The following PCCA variants were observed in gnomAD, a reference collection of about 807,000 sequenced individuals.
The protein encoded by PCCA is propionyl-CoA carboxylase subunit alpha, also known as propionyl-CoA carboxylase alpha chain, mitochondrial.
A neutral mutation model predicts 101.3 loss-of-function variants in PCCA; 74 were observed. That is an observed-to-expected ratio of 0.73 (90% CI 0.61 to 0.89). The LOEUF is 0.89. PCCA is among the 40% of genes least tolerant of loss of function. The pLI, the probability that PCCA is intolerant of heterozygous loss-of-function variation, is 0.00. For missense variants in PCCA, 891 were observed against 907.0 expected (o/e 0.98, Z 0.23); for synonymous variants, 294 against 313.6 (o/e 0.94, Z 0.66).
At chr13:100,458,294 TACACACACACACACACACACACACAC>T (rs57961819) in intron 21 of PCCA, among the ~76,000 whole-genome samples, 3 of 86,478 alleles carry the variant, frequency 3.5e-5, no homozygotes, top group Admixed American at 1.3e-4. Flanking sequence ...ACCCCATCTC[TACACACACACACACACACACACACAC>T]ACACACACAC....
chr13:100,530,393 C>G lies in PCCA; in HGVS notation c.*227C>G. 1 of 601,610 alleles carries G rather than the reference C, an allele frequency of 1.7e-6. No homozygotes were observed. Among genetic ancestry groups the G allele is most frequent in the Non-Finnish European group, 3.0e-6 (1 of 337,722 alleles). The allele number at this position is 601,610 out of a possible 1,614,324, so 37.3% of individuals were successfully genotyped here. A position where few individuals can be genotyped will look rare whatever the true frequency, so the allele number is the denominator to read the frequency against. On this transcript the variant is annotated 3_prime_UTR_variant, in exon 24 of 24. Coordinates refer to ENST00000376285, the MANE Select transcript of PCCA (RefSeq NM_000282.4). The stretch of plus-strand genomic sequence containing the variant: ...ATTTGTACTTCTGCTGTGAGATTCC[C>G]TAGTGTCAAAATTAAATCAATAAAA...
chr13:100,469,296 G>A (rs1336997366), intron 21 of PCCA, among the ~76,000 whole-genome samples: 1 of 151,624 alleles, frequency 6.6e-6, no homozygotes, highest in East Asian at 1.9e-4. Flanking sequence ...AGCTACCCAG[G>A]CAAAGCAGGT....
chr13:100,136,175 A>G (rs1467342349), intron 4 of PCCA, among the ~76,000 whole-genome samples: 5 of 140,626 alleles, frequency 3.6e-5, no homozygotes, highest in Admixed American at 1.5e-4. Flanking sequence ...ATGAGAGTGT[A>G]TAAAATTGTT....
intron 7 of PCCA, among the ~76,000 whole-genome samples, chr13:100,211,402 C>T (rs2059204477): frequency 6.6e-6 from 1 of 152,224 alleles, no homozygotes; most frequent in African/African-American, 2.4e-5. Flanking sequence ...TCTTGCAAAG[C>T]TACCAGCAAC....
intron 1 of PCCA, among the ~76,000 whole-genome samples, chr13:100,097,269 C>T (rs1003328388): frequency 1.4e-4 from 22 of 151,910 alleles, no homozygotes; most frequent in African/African-American, 5.3e-4. Flanking sequence ...GGAGTGACTG[C>T]GAATAGTTAA....
intron 21 of PCCA, among the ~76,000 whole-genome samples, chr13:100,458,481 A>G: frequency 7.4e-6 from 1 of 134,250 alleles, no homozygotes; most frequent in East Asian, 2.2e-4. Flanking sequence ...ACACACACAC[A>G]CACACTAGCG....
At chr13:100,413,914 T>A (rs1567093123) in intron 19 of PCCA, among the ~76,000 whole-genome samples, 1 of 152,180 alleles carries the variant, frequency 6.6e-6, no homozygotes, top group African/African-American at 2.4e-5. Flanking sequence ...AGAATGACCT[T>A]ATCACACCAA....
At chr13:100,323,391 G>A (rs1456309241) in intron 16 of PCCA, among the ~76,000 whole-genome samples, 1 of 151,658 alleles carries the variant, frequency 6.6e-6, no homozygotes, top group Non-Finnish European at 1.5e-5. Context: ...GTGCGGTCTC[G>A]GCTCACTACA....
At chr13:100,228,767 G>A (rs1386242811) in intron 7 of PCCA, among the ~76,000 whole-genome samples, 1 of 151,860 alleles carries the variant, frequency 6.6e-6, no homozygotes, top group Non-Finnish European at 1.5e-5. Flanking sequence ...ATACGTGGTG[G>A]TGTGTGCCTA....
intron 15 of PCCA, among the ~76,000 whole-genome samples, chr13:100,307,684 A>G (rs1160091200): frequency 6.6e-6 from 1 of 152,140 alleles, no homozygotes; most frequent in African/African-American, 2.4e-5. Flanking sequence ...AGTTTTTACA[A>G]ATTACCAATT....
intron 19 of PCCA, among the ~76,000 whole-genome samples, chr13:100,419,091 C>A (rs957373203): frequency 2.0e-5 from 3 of 151,898 alleles, no homozygotes; most frequent in African/African-American, 7.3e-5. Context: ...AATTCCTACT[C>A]ACCCTTCCAG....
chr13:100,138,055 T>C (rs1419938991), intron 4 of PCCA, among the ~76,000 whole-genome samples: 1 of 152,100 alleles, frequency 6.6e-6, no homozygotes, highest in Non-Finnish European at 1.5e-5. Flanking sequence ...TCCCAAAGTG[T>C]TGGGATTAAG....
At chr13:100,150,835 A>G (rs1446901630) in intron 4 of PCCA, 4 of 1,583,288 alleles carry the variant, frequency 2.5e-6, no homozygotes, top group Admixed American at 1.7e-5. Flanking sequence ...GGTTAACACC[A>G]TGATGGACAG....
chr13:100,339,843 A>G (rs2071037433), intron 17 of PCCA, among the ~76,000 whole-genome samples: 1 of 152,278 alleles, frequency 6.6e-6, no homozygotes, highest in Admixed American at 6.5e-5. Flanking sequence ...TGAGGAGCTT[A>G]TGCTTTTCCT....
At chr13:100,312,910 AT>A (rs2067038127) in intron 16 of PCCA, among the ~76,000 whole-genome samples, 1 of 152,158 alleles carries the variant, frequency 6.6e-6, no homozygotes, top group Non-Finnish European at 1.5e-5. Flanking sequence ...TATCACAATA[AT>A]TTTTTTAAGC....
At chr13:100,392,012 G>GT (rs1430364817) in intron 19 of PCCA, among the ~76,000 whole-genome samples, 6 of 152,138 alleles carry the variant, frequency 3.9e-5, no homozygotes, top group Non-Finnish European at 7.3e-5. Context: ...ACTTAAGATG[G>GT]TGTTCATTTC....
At position 100,394,785 on chromosome 13, in the gene PCCA, T is replaced by TA. The variant is rs1331132105; in HGVS notation, c.1746+26213dup. ...TTTTTTAAAAAATATGTCCTACTAC[T>TA]AATATTTTTTAAATTATCCCTAAAC... On this transcript the variant is annotated intron_variant, in intron 19 of 23. Transcript: ENST00000376285. This position sits in a 1 kb window ranked among gnomAD's most constrained non-coding sequence, Gnocchi z 4.3. 6.6e-6 allele frequency among the ~76,000 whole-genome samples: 1 copy of TA among 152,230 alleles called. No individual in the cohort carries two copies. Among genetic ancestry groups the TA allele is most frequent in the African/African-American group, 2.4e-5 (1 of 41,460 alleles).
intron 19 of PCCA, among the ~76,000 whole-genome samples, chr13:100,395,148 A>G (rs2076984790): frequency 6.6e-6 from 1 of 152,228 alleles, no homozygotes; most frequent in Admixed American, 6.5e-5. Context: ...TTAAGGAAAG[A>G]CAAAATTAAT....
intron 10 of PCCA, among the ~76,000 whole-genome samples, chr13:100,265,610 A>G (rs2062880101): frequency 6.6e-6 from 1 of 152,012 alleles, no homozygotes. Context: ...CCACTCCCAC[A>G]CACCCCATCT....
Sources: gnomAD v4.1 joint callset for allele counts (sites outside exome capture counted in the v4.1 genomes callset) on GRCh38, gnomAD v4.1.1 for gene constraint, Gnocchi (gnomAD v3.1) non-coding constraint, MANE v1.5 for transcripts, NCBI Gene and HGNC (gene_info 2026-07-23, HGNC 2026-07-21) for gene names.